ANKRD28: variants seen among roughly 807,000 people sequenced by gnomAD.
ANKRD28 encodes the protein serine/threonine-protein phosphatase 6 regulatory ankyrin repeat subunit A.
ANKRD28 carries 44 observed loss-of-function variants against 126.5 expected under a neutral mutation model. That is an observed-to-expected ratio of 0.35 (90% CI 0.27 to 0.45). ANKRD28 has a LOEUF of 0.45. Ranked by LOEUF, ANKRD28 falls within the 20% of genes least tolerant of loss-of-function variation. The pLI, the probability that ANKRD28 is intolerant of heterozygous loss-of-function variation, is 1.00. For missense variants in ANKRD28, 1,110 were observed against 1,316.6 expected (o/e 0.84, Z 2.43); for synonymous variants, 442 against 468.5 (o/e 0.94, Z 0.73).
intron 14 of ANKRD28, among the ~76,000 whole-genome samples, chr3:15,701,453 T>C (rs2070605545): frequency 6.6e-6 from 1 of 152,176 alleles, no homozygotes; most frequent in Non-Finnish European, 1.5e-5. Context: ...AAGACCTGCC[T>C]GACCAACATG....
chr3:15,828,619 C>A (rs1327715325), intron 1 of ANKRD28, among the ~76,000 whole-genome samples: 1 of 121,546 alleles, frequency 8.2e-6, no homozygotes, highest in African/African-American at 3.2e-5. Context: ...GACCTCAATT[C>A]TTTCTATAAC....
At chr3:15,676,120 C>A (rs2066910049) in intron 26 of ANKRD28, 131 bp from the exon 27 acceptor site, 2 of 599,306 alleles carry the variant, frequency 3.3e-6, no homozygotes, top group Admixed American at 3.3e-5. Context: ...AAACCTAGTC[C>A]TAATAACAAA....
intron 2 of ANKRD28, among the ~76,000 whole-genome samples, chr3:15,791,523 T>G (rs2060025759): frequency 6.6e-6 from 1 of 151,974 alleles, no homozygotes; most frequent in African/African-American, 2.4e-5. Context: ...AAAAGACAAG[T>G]CTCTTTAATA....
At chr3:15,850,201 A>ATT (rs1559598063) in intron 1 of ANKRD28, among the ~76,000 whole-genome samples, 1 of 52,370 alleles carries the variant, frequency 1.9e-5, no homozygotes, top group Non-Finnish European at 3.8e-5. Context: ...AAAAAAAAAA[A>ATT]AAAATATATA....
At chr3:15,696,899 A>G (rs894623692) in intron 14 of ANKRD28, among the ~76,000 whole-genome samples, 14 of 152,228 alleles carry the variant, frequency 9.2e-5, no homozygotes, top group African/African-American at 3.1e-4. Flanking sequence ...AGGAACAAAA[A>G]GTAACACTAC....
At chr3:15,704,728 A>G (rs1002504144) in intron 14 of ANKRD28, among the ~76,000 whole-genome samples, 1 of 152,178 alleles carries the variant, frequency 6.6e-6, no homozygotes, top group Admixed American at 6.5e-5. Context: ...TAAGAAAAAT[A>G]AATCCTTTAA....
At position 15,768,653 on chromosome 3, in the gene ANKRD28, C is replaced by T. The variant is rs1008817881; in HGVS notation, c.202-2341G>A. Among the ~76,000 whole-genome samples the T allele has an allele frequency of 8.1e-5, 12 of 147,404 alleles. No homozygotes were observed. In the South Asian group the frequency reaches 1.1e-3, roughly 14 times the overall value. On this transcript the variant is annotated intron_variant, in intron 2 of 27. Transcript: ENST00000683139. ...GGCAACAGAGCAAGATCTTCTCTGG[C>T]GGGGGGCGGCGGTGGGGCAGGGGGG... is the stretch of plus-strand genomic sequence containing the variant.
At chr3:15,803,672 A>AAG (rs2060514843) in intron 1 of ANKRD28, among the ~76,000 whole-genome samples, 1 of 146,730 alleles carries the variant, frequency 6.8e-6, no homozygotes, top group South Asian at 2.3e-4. Context: ...ACATGTTAAT[A>AAG]GACTGGCTAC....
intron 25 of ANKRD28, 85 bp from the exon 26 acceptor site, chr3:15,677,141 T>C: frequency 9.3e-7 from 1 of 1,078,724 alleles, no homozygotes; most frequent in Non-Finnish European, 1.4e-6. Context: ...TCCTAGTCCA[T>C]ATATTATGTA....
chr3:15,798,587 A>G (rs2060378948), upstream of ANKRD28, among the ~76,000 whole-genome samples: 1 of 152,140 alleles, frequency 6.6e-6, no homozygotes, highest in Admixed American at 6.6e-5. Flanking sequence ...AAATAAAATA[A>G]TCCTACCTTC....
chr3:15,694,277 T>C (rs188485885), intron 17 of ANKRD28, among the ~76,000 whole-genome samples: 9 of 152,276 alleles, frequency 5.9e-5, no homozygotes, highest in Non-Finnish European at 1.2e-4. Flanking sequence ...CCAAATCCTA[T>C]AGTGTGAGCA....
rs118064253 is a variant in ANKRD28, at chr3:15,704,927, T to C, written c.1547+2997A>G. On this transcript the variant is annotated intron_variant, in intron 14 of 27. Transcript: ENST00000683139. ...AAAGATAGGAAACAGAGGCTCCCAT[T>C]AACAGTGCTAGATTATGCACAGTCT... 4.4e-4 allele frequency among the ~76,000 whole-genome samples: 67 copies of C among 152,274 alleles called. No homozygotes were observed. In the East Asian group the frequency reaches 0.013, roughly 29 times the overall value.
rs1463032135 is a variant in ANKRD28 at position 15,845,847 on chromosome 3, T to C, written c.27+13530A>G. On this transcript the variant is annotated intron_variant, in intron 1 of 27. Coordinates refer to the ANKRD28 transcript ENST00000399451. This position sits in a 1 kb window ranked among gnomAD's most constrained non-coding sequence, Gnocchi z 4.9. ...TATGGTGGAGCAGGAGGTAGGGGTA[T>C]GTGCCACACACTTTAAACCATTGCA... Among the ~76,000 whole-genome samples, 1 of 152,134 alleles carries C rather than the reference T, an allele frequency of 6.6e-6. No homozygotes were observed. Among genetic ancestry groups the C allele is most frequent in the Non-Finnish European group, 1.5e-5 (1 of 68,014 alleles).
intron 3 of ANKRD28, among the ~76,000 whole-genome samples, chr3:15,759,620 A>C (rs2058349347): frequency 6.6e-6 from 1 of 152,226 alleles, no homozygotes; most frequent in Non-Finnish European, 1.5e-5. Context: ...GTTTTACTCT[A>C]AAACAAGTCA....
intron 1 of ANKRD28, among the ~76,000 whole-genome samples, chr3:15,821,409 CCTTA>C (rs2060939166): frequency 6.6e-6 from 1 of 152,114 alleles, no homozygotes; most frequent in Non-Finnish European, 1.5e-5. Flanking sequence ...GATGTACAAT[CCTTA>C]CTTTTAAACA....
In ANKRD28 at chr3:15,854,252, T is replaced by A. The variant is rs759719051; in HGVS notation, c.27+5125A>T. Among the ~76,000 whole-genome samples, 1 of 152,222 alleles carries A rather than the reference T, an allele frequency of 6.6e-6. No individual in the cohort carries two copies. Among genetic ancestry groups the A allele is most frequent in the Non-Finnish European group, 1.5e-5 (1 of 68,042 alleles). On this transcript the variant is annotated intron_variant, in intron 1 of 27. Coordinates refer to the ANKRD28 transcript ENST00000399451. This position sits in a 1 kb window ranked among gnomAD's most constrained non-coding sequence, Gnocchi z 4.1. ...TTCAAAGTACTTAATGTAGTCACTG[T>A]TAACTAATTTATCTTCTCTTTTCCA...
At chr3:15,784,707 C>T (rs1187113519) in intron 2 of ANKRD28, among the ~76,000 whole-genome samples, 1 of 151,846 alleles carries the variant, frequency 6.6e-6, no homozygotes, top group Non-Finnish European at 1.5e-5. Context: ...AATTAAAAGA[C>T]AAAAATTGTC....
chr3:15,726,584 G>C (rs2470523), intron 6 of ANKRD28, among the ~76,000 whole-genome samples: 75,036 of 151,700 alleles, frequency 0.49, 20,409 homozygotes, highest in Middle Eastern at 0.61. Flanking sequence ...GAGGTTTAAC[G>C]AAAAAAGATG....
intron 2 of ANKRD28, among the ~76,000 whole-genome samples, chr3:15,788,083 C>T (rs2059863331): frequency 6.6e-6 from 1 of 152,104 alleles, no homozygotes; most frequent in Admixed American, 6.6e-5. Flanking sequence ...TATGTTTAAA[C>T]ACTAAAAACA....
Sources: allele counts gnomAD v4.1 joint callset (sites outside exome capture counted in the v4.1 genomes callset), GRCh38; gene constraint gnomAD v4.1.1; non-coding constraint Gnocchi (gnomAD v3.1); transcripts MANE v1.5; gene names NCBI Gene and HGNC (gene_info 2026-07-23, HGNC 2026-07-21).